TAFA1: variants seen among roughly 807,000 people sequenced by gnomAD.
The protein encoded by TAFA1 is TAFA chemokine like family member 1, also known as chemokine-like protein TAFA-1.
TAFA1 carries 4 observed loss-of-function variants against 18.5 expected under a neutral mutation model. That is an observed-to-expected ratio of 0.22 (90% confidence interval 0.11 to 0.49). The LOEUF (loss-of-function observed/expected upper bound fraction) is 0.49. TAFA1 is among the 20% of genes least tolerant of loss of function. The pLI is 0.98. For missense variants in TAFA1, 147 were observed against 169.0 expected, an observed-to-expected ratio of 0.87 and a Z score of 0.72; for synonymous variants, 56 against 55.2, an observed-to-expected ratio of 1.01 and a Z score of -0.06.
At chr3:68,046,430 T>A (rs144606173) in intron 2 of TAFA1, among the ~76,000 whole-genome samples, 67 of 152,342 alleles carry the variant, frequency 4.4e-4, no homozygotes, top group African/African-American at 1.6e-3. Context: ...CCATGATGAA[T>A]ACACTCTCTC....
At chr3:68,023,699 A>G (rs1415869596) in intron 2 of TAFA1, among the ~76,000 whole-genome samples, 1 of 151,824 alleles carries the variant, frequency 6.6e-6, no homozygotes. Flanking sequence ...TACTCAGTCT[A>G]TAAAGAAGGC....
intron 2 of TAFA1, among the ~76,000 whole-genome samples, chr3:68,388,216 C>T (rs1223925411): frequency 6.6e-6 from 1 of 151,984 alleles, no homozygotes; most frequent in East Asian, 1.9e-4. Flanking sequence ...GGGGACATGG[C>T]ATTGAGTGAA....
intron 2 of TAFA1, among the ~76,000 whole-genome samples, chr3:68,028,178 T>G (rs1172543971): frequency 6.6e-6 from 1 of 152,056 alleles, no homozygotes. Context: ...CACATGCCTG[T>G]AATCCCAGCT....
At chr3:68,141,522 A>G (rs2065667006) in intron 2 of TAFA1, among the ~76,000 whole-genome samples, 1 of 152,166 alleles carries the variant, frequency 6.6e-6, no homozygotes, top group Non-Finnish European at 1.5e-5. Context: ...TGCCCTTACA[A>G]TCTACCCAGT....
chr3:68,107,995 C>T (rs932486692), intron 2 of TAFA1, among the ~76,000 whole-genome samples: 6 of 152,004 alleles, frequency 3.9e-5, no homozygotes, highest in Admixed American at 6.6e-5. Context: ...AATGCTATAA[C>T]GTATGGGTGA....
intron 3 of TAFA1, among the ~76,000 whole-genome samples, chr3:68,462,743 A>G (rs2071808018): frequency 1.3e-5 from 2 of 152,116 alleles, no homozygotes; most frequent in African/African-American, 2.4e-5. Flanking sequence ...ATGCTGTTTT[A>G]TGTTACGTGG....
intron 2 of TAFA1, among the ~76,000 whole-genome samples, chr3:68,393,599 A>C (rs2070308452): frequency 6.6e-6 from 1 of 152,296 alleles, no homozygotes; most frequent in South Asian, 2.1e-4. Context: ...TTGAACATCA[A>C]TGCAAAAATC....
intron 2 of TAFA1, among the ~76,000 whole-genome samples, chr3:68,030,587 C>T (rs1418781962): frequency 6.6e-6 from 1 of 152,152 alleles, no homozygotes; most frequent in African/African-American, 2.4e-5. Flanking sequence ...CTGCAAAGGA[C>T]ATGAACTCAT....
upstream of TAFA1, among the ~76,000 whole-genome samples, chr3:68,003,544 T>A (rs140382236): frequency 6.6e-6 from 1 of 152,258 alleles, no homozygotes; most frequent in African/African-American, 2.4e-5. Context: ...ACCAGCACAA[T>A]CTATAAATGA....
intron 3 of TAFA1, among the ~76,000 whole-genome samples, chr3:68,456,615 T>C (rs1348467109): frequency 6.6e-6 from 1 of 152,210 alleles, no homozygotes; most frequent in Non-Finnish European, 1.5e-5. Context: ...TGTCAGGTAA[T>C]GACTTCTGTT....
intron 2 of TAFA1, among the ~76,000 whole-genome samples, chr3:68,179,281 T>A (rs1051120102): frequency 3.1e-4 from 47 of 152,348 alleles, no homozygotes; most frequent in African/African-American, 1.1e-3. Context: ...ATTTCTTTGA[T>A]TTCTTTCCTC....
intron 3 of TAFA1, among the ~76,000 whole-genome samples, chr3:68,495,710 A>G (rs529841169): frequency 3.0e-4 from 45 of 152,288 alleles, no homozygotes; most frequent in South Asian, 8.3e-4. Context: ...TGCTGCAGGC[A>G]TGGCCCGAGG....
At chr3:68,404,215 G>A (rs1396949808) in intron 2 of TAFA1, among the ~76,000 whole-genome samples, 1 of 152,146 alleles carries the variant, frequency 6.6e-6, no homozygotes, top group East Asian at 1.9e-4. Flanking sequence ...TTGAAACCCA[G>A]TCAATGACCC....
chr3:68,438,143 G>C (rs1168034921), intron 3 of TAFA1, among the ~76,000 whole-genome samples: 1 of 152,094 alleles, frequency 6.6e-6, no homozygotes, highest in Non-Finnish European at 1.5e-5. Context: ...CAGATTGCTT[G>C]AGCCCAGGAG....
At chr3:68,325,985 AG>A (rs2068771738) in intron 2 of TAFA1, among the ~76,000 whole-genome samples, 1 of 152,192 alleles carries the variant, frequency 6.6e-6, no homozygotes, top group Non-Finnish European at 1.5e-5. Flanking sequence ...GACTCATTAC[AG>A]GGCAGCAGGT....
chr3:68,247,670 G>T (rs924410449), intron 2 of TAFA1: 1 of 152,172 alleles, frequency 6.6e-6, no homozygotes, highest in African/African-American at 2.4e-5. Context: ...CCTTTTGGCC[G>T]CAATCTGAAT....
intron 3 of TAFA1, among the ~76,000 whole-genome samples, chr3:68,432,616 A>G (rs919627391): frequency 2.6e-5 from 4 of 152,002 alleles, no homozygotes; most frequent in Non-Finnish European, 5.9e-5. Context: ...TGGTCATGAC[A>G]TAGAAAAGTC....
At chr3:68,054,213 G>C (rs2064505573) in intron 2 of TAFA1, among the ~76,000 whole-genome samples, 1 of 152,132 alleles carries the variant, frequency 6.6e-6, no homozygotes, top group African/African-American at 2.4e-5. Context: ...GAGGGGCTTG[G>C]GTCATGGAGA....
intron 3 of TAFA1, among the ~76,000 whole-genome samples, chr3:68,438,865 T>A (rs998303875): frequency 6.6e-6 from 1 of 152,098 alleles, no homozygotes; most frequent in African/African-American, 2.4e-5. Flanking sequence ...ACAGCTAGGA[T>A]GGCCACACAT....
Sources: gnomAD v4.1 joint callset for allele counts (sites outside exome capture counted in the v4.1 genomes callset) on GRCh38, gnomAD v4.1.1 for gene constraint, MANE v1.5 for transcripts, NCBI Gene and HGNC (gene_info 2026-07-23, HGNC 2026-07-21) for gene names.